Variants in LEUTX observed in about 807,000 individuals in gnomAD.
The protein encoded by LEUTX is paired-like homeodomain transcription factor LEUTX.
A neutral mutation model predicts 4.5 loss-of-function variants in LEUTX; 5 were observed. The observed-to-expected ratio is 1.11, with a 90% confidence interval of 0.58 to 2.34. The LOEUF (loss-of-function observed/expected upper bound fraction) is 2.34. Among genes scored for constraint, LEUTX ranks in the 30% most tolerant of loss-of-function variants. The pLI is 0.01. For missense variants in LEUTX, 233 were observed against 239.4 expected (o/e 0.97, Z 0.18); for synonymous variants, 89 against 85.1 (o/e 1.05, Z -0.25).
In LEUTX at chr19:39,780,505, G is replaced by T. The variant is rs113903537; in HGVS notation, c.7+1578G>T. 2.1e-3 allele frequency among the ~76,000 whole-genome samples: 316 copies of T among 152,052 alleles called. 1 individual carries two copies. The highest frequency in any genetic ancestry group is 7.0e-3 in the African/African-American group (290 of 41,482). ...CCCTGTGCCTCATCTCTCAAATCTT[G>T]AATTTTTTTTAATAAATACTTTCAT... On this transcript the variant is annotated intron_variant, in intron 1 of 2. Coordinates refer to ENST00000638280, the MANE Select transcript of LEUTX (RefSeq NM_001382345.1).
chr19:39,785,849 G>A lies in LEUTX; in HGVS notation c.311G>A (p.Ser104Asn), dbSNP rs1007829942. The change falls in exon 3 of 3, where the codon AGT (serine) becomes AAT (asparagine). Residue 104 changes from serine to asparagine, a missense_variant. Coordinates refer to ENST00000638280, the MANE Select transcript of LEUTX (RefSeq NM_001382345.1). ...AITTANIRPV[S>N]PGISDANDHD... ...ACTACTGCAAACATTCGTCCAGTAA[G>A]TCCTGGAATCTCTGATGCAAATGAC... 1.9e-5 allele frequency: 29 copies of A among 1,551,674 alleles called. No homozygotes were observed. The highest frequency in any genetic ancestry group is 2.4e-5 in the Non-Finnish European group (28 of 1,147,026).
upstream of LEUTX, among the ~76,000 whole-genome samples, chr19:39,778,628 T>C (rs1967834772): frequency 6.6e-6 from 1 of 152,108 alleles, no homozygotes; most frequent in South Asian, 2.1e-4. Context: ...CCACTTTCTT[T>C]TGTTTTCTTC....
At chr19:39,778,552 G>T (rs566821601), upstream of LEUTX, among the ~76,000 whole-genome samples, 220 of 151,970 alleles carry the variant, frequency 1.4e-3, no homozygotes, top group Middle Eastern at 3.4e-3. Context: ...TTCTCTCAGC[G>T]CCTTGTTTAT....
Position 39,784,679 on chromosome 19 carries a change from G to A in LEUTX, c.159+1G>A, listed in dbSNP as rs1170993608. On this transcript the variant is annotated splice_donor_variant, in intron 2 of 2. Coordinates refer to ENST00000638280, the MANE Select transcript of LEUTX (RefSeq NM_001382345.1). LOFTEE classifies it high-confidence loss of function. Reference sequence around the variant, plus strand: ...ACAACTTGATCTATCCGTAGTAAAGGTCTGTTCCCAAGTGTGTCTGTAGGT... The same window carrying A: ...ACAACTTGATCTATCCGTAGTAAAGATCTGTTCCCAAGTGTGTCTGTAGGT... 1 of 1,551,268 alleles carries A rather than the reference G, an allele frequency of 6.4e-7. No homozygotes were observed. The highest frequency in any genetic ancestry group is 2.4e-5 in the East Asian group (1 of 40,910).
intron 1 of LEUTX, among the ~76,000 whole-genome samples, chr19:39,782,043 C>G (rs949884944): frequency 2.0e-5 from 3 of 152,168 alleles, no homozygotes; most frequent in Admixed American, 1.3e-4. Flanking sequence ...TCCCTACAGA[C>G]CCCATTAATA....
intron 1 of LEUTX, among the ~76,000 whole-genome samples, chr19:39,780,579 A>G (rs761830550): frequency 5.3e-5 from 8 of 152,148 alleles, no homozygotes; most frequent in Non-Finnish European, 1.2e-4. Context: ...AGTCACATAA[A>G]TATTGCTAGT....
In LEUTX at chr19:39,785,614, CA is replaced by C. The variant is rs994277795; in HGVS notation, c.160-78del. 8 of 1,132,014 alleles carry C rather than the reference CA, an allele frequency of 7.1e-6. No individual in the cohort carries two copies. The Admixed American group carries it at 7.9e-5, about 11-fold the overall frequency. The allele number at this position is 1,132,014 out of a possible 1,614,324, so 70.1% of individuals were successfully genotyped here. Reference sequence around the variant, plus strand: ...ATAAATGTGAGACTCTCTCTCACACCAAAAAACCGAATTCCTGAGGAACATG... The same window carrying C: ...ATAAATGTGAGACTCTCTCTCACACCAAAAACCGAATTCCTGAGGAACATG... On this transcript the variant is annotated intron_variant, in intron 2 of 2. Transcript: ENST00000638280.
At chr19:39,777,469 T>G (rs1405618017), upstream of LEUTX, among the ~76,000 whole-genome samples, 3 of 152,182 alleles carry the variant, frequency 2.0e-5, no homozygotes, top group African/African-American at 7.2e-5. Flanking sequence ...TTCTGCAAAA[T>G]TCCCTGCTAT....
At chr19:39,785,631 G>A in intron 2 of LEUTX, 67 bp from the exon 3 acceptor site, 1 of 1,283,902 alleles carries the variant, frequency 7.8e-7, no homozygotes, top group Non-Finnish European at 1.1e-6. Context: ...CCGAATTCCT[G>A]AGGAACATGA....
At chr19:39,778,803 T>A (rs183524178), upstream of LEUTX, 1 of 152,166 alleles carries the variant, frequency 6.6e-6, no homozygotes, top group East Asian at 1.9e-4. Context: ...GGTGGGGACA[T>A]GATTACATTA....
chr19:39,776,772 T>C (rs1967801295), upstream of LEUTX: 2 of 424,238 alleles, frequency 4.7e-6, no homozygotes, highest in African/African-American at 2.0e-5. Flanking sequence ...TCCCAGCTGC[T>C]TGGGAGGCTG....
chr19:39,776,498 T>G (rs149580606), upstream of LEUTX: 1,661 of 423,202 alleles, frequency 3.9e-3, 24 homozygotes, highest in African/African-American at 0.03. Context: ...GCCTGGGGCG[T>G]ATGAGAGAAG....
upstream of LEUTX, chr19:39,776,488 G>A: frequency 2.4e-6 from 1 of 411,250 alleles, no homozygotes; most frequent in Non-Finnish European, 4.9e-6. Context: ...TTCTGACCTG[G>A]CCTGGGGCGT....
At position 39,786,259 on chromosome 19, in the gene LEUTX, G is replaced by A; in HGVS notation, c.*124G>A. On this transcript the variant is annotated 3_prime_UTR_variant, in exon 3 of 3. Coordinates refer to ENST00000638280, the MANE Select transcript of LEUTX (RefSeq NM_001382345.1). ...GGCTGGGAATTTATCTTTTTCTGTA[G>A]AAAAAACAATAAAGGAACTCCCCTA... 1.3e-6 allele frequency: 1 copy of A among 743,624 alleles called. No homozygotes were observed. Among genetic ancestry groups the A allele is most frequent in the African/African-American group, 1.8e-5 (1 of 56,042 alleles). 46.1% of individuals were successfully genotyped at this position (743,624 alleles called of 1,614,324 possible).
At chr19:39,778,778 A>C (rs1460057860), upstream of LEUTX, 1 of 150,168 alleles carries the variant, frequency 6.7e-6, no homozygotes, top group Non-Finnish European at 1.5e-5. Flanking sequence ...AGGGCGTGGT[A>C]TTAGGGTAGG....
chr19:39,778,448 A>ATGCC (rs1325052841), upstream of LEUTX, among the ~76,000 whole-genome samples: 1 of 152,056 alleles, frequency 6.6e-6, no homozygotes, highest in Non-Finnish European at 1.5e-5. Flanking sequence ...TCCTAGCAGG[A>ATGCC]TGCCTCCTGC....
upstream of LEUTX, among the ~76,000 whole-genome samples, chr19:39,777,931 G>T (rs1326838861): frequency 6.6e-6 from 1 of 152,196 alleles, no homozygotes; most frequent in Non-Finnish European, 1.5e-5. Context: ...ACCTGGTGGG[G>T]GTGTGGAGGT....
At chr19:39,782,119 C>A (rs141615095) in intron 1 of LEUTX, among the ~76,000 whole-genome samples, 33 of 152,270 alleles carry the variant, frequency 2.2e-4, no homozygotes, top group African/African-American at 6.3e-4. Flanking sequence ...GCCACTGAGT[C>A]TATGACCGGT....
upstream of LEUTX, among the ~76,000 whole-genome samples, chr19:39,776,872 C>CA (rs907325625): frequency 6.6e-6 from 1 of 151,984 alleles, no homozygotes; most frequent in African/African-American, 2.4e-5. Context: ...GACCCCATCT[C>CA]AAAAAAAGAA....
Sources: gnomAD v4.1 joint callset for allele counts (sites outside exome capture counted in the v4.1 genomes callset) on GRCh38, gnomAD v4.1.1 for gene constraint, MANE v1.5 for transcripts, NCBI Gene and HGNC (gene_info 2026-07-23, HGNC 2026-07-21) for gene names.